The following ARHGAP22 variants were observed in gnomAD, a reference collection of about 807,000 sequenced individuals.
ARHGAP22 encodes Rho GTPase activating protein 22.
Under a neutral mutation model 59.1 loss-of-function variants are expected in ARHGAP22, and 48 were observed. The observed-to-expected ratio is 0.81, with a 90% CI of 0.64 to 1.03. ARHGAP22 has a LOEUF of 1.03. Ranked by LOEUF, ARHGAP22 falls within the 50% of genes least tolerant of loss-of-function variation. The pLI, the probability that ARHGAP22 is intolerant of heterozygous loss-of-function variation, is 0.00. For missense variants in ARHGAP22, 1,015 were observed against 958.7 expected, an observed-to-expected ratio of 1.06 and a Z score of -0.78; for synonymous variants, 445 against 416.4, an observed-to-expected ratio of 1.07 and a Z score of -0.84.
intron 1 of ARHGAP22, among the ~76,000 whole-genome samples, chr10:48,645,848 G>A (rs2062271619): frequency 6.6e-6 from 1 of 152,182 alleles, no homozygotes; most frequent in African/African-American, 2.4e-5. Flanking sequence ...TCGGGAGAGG[G>A]AAGGAGGGGA....
In ARHGAP22 at chr10:48,450,708, G is replaced by A. The variant is rs377423624; in HGVS notation, c.1421C>T (p.Ala474Val). 6.4e-7 allele frequency: 1 copy of A among 1,553,322 alleles called. No individual in the cohort carries two copies. Among genetic ancestry groups the A allele is most frequent in the African/African-American group, 1.4e-5 (1 of 73,288 alleles). Residue 474 changes from alanine to valine, a missense_variant, in exon 9 of 10, where the codon GCC (alanine) becomes GTC (valine). Physicochemically the swap from Ala to Val is moderately conservative, Grantham distance 64 (BLOSUM62 0). Coordinates refer to ENST00000249601, the MANE Select transcript of ARHGAP22 (RefSeq NM_021226.4). ...GLSSLRGHRR[A>V]SSGDRLKDSG... is the part of the protein sequence containing the mutation. ...GTCCTTGAGCCGGTCTCCCGACGAG[G>A]CCCGGCGGTGTCCGCGCAGGGAGGA... is the stretch of plus-strand genomic sequence containing the variant.
intron 8 of ARHGAP22, chr10:48,451,623 C>A (rs1166422670): frequency 1.4e-6 from 1 of 692,998 alleles, no homozygotes; most frequent in Non-Finnish European, 2.6e-6. Flanking sequence ...TGGGGGCACA[C>A]ACATACAATT....
chr10:48,623,210 T>C (rs1185754006), intron 1 of ARHGAP22, among the ~76,000 whole-genome samples: 1 of 152,170 alleles, frequency 6.6e-6, no homozygotes, highest in African/African-American at 2.4e-5. Context: ...CCTGCCATGG[T>C]TGAAGGCTGA....
At chr10:48,557,043 G>A (rs780930026) in intron 2 of ARHGAP22, among the ~76,000 whole-genome samples, 2 of 152,198 alleles carry the variant, frequency 1.3e-5, no homozygotes, top group Non-Finnish European at 2.9e-5. Flanking sequence ...GCAGAACATC[G>A]TCCTTACCCG....
At chr10:48,597,972 C>G (rs576548684) in intron 1 of ARHGAP22, among the ~76,000 whole-genome samples, 3 of 152,334 alleles carry the variant, frequency 2.0e-5, no homozygotes, top group Admixed American at 6.5e-5. Context: ...CCACGCCTAA[C>G]TCAGTTCAGG....
intron 1 of ARHGAP22, among the ~76,000 whole-genome samples, chr10:48,583,685 A>G (rs2059253826): frequency 6.6e-6 from 1 of 152,210 alleles, no homozygotes; most frequent in African/African-American, 2.4e-5. Context: ...GCTCAGGTCC[A>G]GAAGGAACTG....
downstream of ARHGAP22, chr10:48,443,705 A>T (rs2889611): frequency 0.31 from 46,654 of 151,810 alleles, 7,299 homozygotes; most frequent in South Asian, 0.39. Context: ...AGAGTCCGGG[A>T]AATGTTGTTA....
chr10:48,641,046 G>T (rs1177202595), intron 1 of ARHGAP22, among the ~76,000 whole-genome samples: 3 of 152,046 alleles, frequency 2.0e-5, no homozygotes, highest in Non-Finnish European at 2.9e-5. Flanking sequence ...ATCTGAAGTA[G>T]ATTAAGGTAA....
At chr10:48,652,202 A>G in intron 1 of ARHGAP22, 2 of 1,524,814 alleles carry the variant, frequency 1.3e-6, no homozygotes. Context: ...AAAGGTAATC[A>G]TTTCCCACAT....
intron 3 of ARHGAP22, among the ~76,000 whole-genome samples, chr10:48,518,115 C>T (rs116385919): frequency 0.012 from 1,768 of 152,284 alleles, 30 homozygotes; most frequent in African/African-American, 0.039. Flanking sequence ...TCACAAAGAG[C>T]GGCCCTTCTC....
At chr10:48,529,965 G>A (rs113057313) in intron 3 of ARHGAP22, among the ~76,000 whole-genome samples, 42,966 of 152,026 alleles carry the variant, frequency 0.28, 7,017 homozygotes, top group African/African-American at 0.44. Context: ...GGCTGGGCGC[G>A]GTGGCTCACG....
At chr10:48,561,238 G>A (rs2057668693) in intron 2 of ARHGAP22, among the ~76,000 whole-genome samples, 1 of 152,138 alleles carries the variant, frequency 6.6e-6, no homozygotes, top group Non-Finnish European at 1.5e-5. Flanking sequence ...TGACAAAGGT[G>A]TAAAGGCAAT....
At chr10:48,454,962 C>T (rs2133686098) in intron 6 of ARHGAP22, 40 bp downstream of exon 6, 4 of 1,534,178 alleles carry the variant, frequency 2.6e-6, no homozygotes, top group South Asian at 1.3e-5. Context: ...TGCCACCCAG[C>T]CAGCCCATCT....
At chr10:48,440,122 C>CTTTTTTTTTTTTTTT in the ARHGAP22 span, among the ~76,000 whole-genome samples, 1 of 150,088 alleles carries the variant, frequency 6.7e-6, no homozygotes. Context: ...AATTTAGGTA[C>CTTTTTTTTTTTTTTT]TTTTTTTTTT....
chr10:48,494,048 T>C (rs184192935), intron 3 of ARHGAP22, among the ~76,000 whole-genome samples: 91 of 152,350 alleles, frequency 6.0e-4, no homozygotes, highest in African/African-American at 2.0e-3. Flanking sequence ...GGCCAATAAC[T>C]AAACCCACCT....
Position 48,454,180 on chromosome 10 carries a change from A to T in ARHGAP22, c.793-19T>A. ...GAGTGCCCTTAGGAATGAAGAACAGAATTTCAAACACCGGCAATGAGGGCC... is the reference window on the plus strand; with the variant it reads ...GAGTGCCCTTAGGAATGAAGAACAGTATTTCAAACACCGGCAATGAGGGCC... On this transcript the variant is annotated intron_variant, in intron 6 of 9. Transcript: ENST00000249601. 1 of 1,607,812 alleles carries T rather than the reference A, an allele frequency of 6.2e-7. No homozygotes were observed. The highest frequency in any genetic ancestry group is 8.5e-7 in the Non-Finnish European group (1 of 1,174,484).
chr10:48,548,220 C>T (rs1488607501), intron 3 of ARHGAP22, among the ~76,000 whole-genome samples: 2 of 152,178 alleles, frequency 1.3e-5, no homozygotes, highest in East Asian at 3.9e-4. Flanking sequence ...GCCGCTTGCC[C>T]CTTCCACAAG....
At chr10:48,638,381 C>A (rs933795009) in intron 1 of ARHGAP22, among the ~76,000 whole-genome samples, 1 of 151,778 alleles carries the variant, frequency 6.6e-6, no homozygotes, top group African/African-American at 2.4e-5. Context: ...CTTCAACTCG[C>A]GGGCCAGGAG....
chr10:48,650,095 C>T (rs1435500455), intron 1 of ARHGAP22, among the ~76,000 whole-genome samples: 1 of 146,442 alleles, frequency 6.8e-6, no homozygotes, highest in Non-Finnish European at 1.5e-5. Context: ...AGGTGCTAAC[C>T]GAGAGACCAA....
Sources: allele counts gnomAD v4.1 joint callset (sites outside exome capture counted in the v4.1 genomes callset), GRCh38; gene constraint gnomAD v4.1.1; transcripts MANE v1.5; gene names NCBI Gene and HGNC (gene_info 2026-07-23, HGNC 2026-07-21).